CIMIP5: variants seen among roughly 807,000 people sequenced by gnomAD.
CIMIP5 encodes ciliary microtubule inner protein 5.
At chr2:11,139,220 C>T in the CIMIP5 span, among the ~76,000 whole-genome samples, 1 of 152,204 alleles carries the variant, frequency 6.6e-6, no homozygotes, top group Non-Finnish European at 1.5e-5. Context: ...ACCTGTCCTA[C>T]ACCTTCTTTA....
At chr2:11,150,792 A>G in the CIMIP5 span, among the ~76,000 whole-genome samples, 1 of 151,696 alleles carries the variant, frequency 6.6e-6, no homozygotes, top group African/African-American at 2.4e-5. Flanking sequence ...AAACAGCTAC[A>G]TGCCTCCCTC....
At chr2:11,143,353 C>A in the CIMIP5 span, among the ~76,000 whole-genome samples, 1 of 151,878 alleles carries the variant, frequency 6.6e-6, no homozygotes, top group Non-Finnish European at 1.5e-5. Flanking sequence ...AGTTCAAAAC[C>A]AGGCAAAGCT....
chr2:11,137,868 C>T, the CIMIP5 span, among the ~76,000 whole-genome samples: 5 of 152,238 alleles, frequency 3.3e-5, no homozygotes, highest in East Asian at 3.9e-4. Flanking sequence ...TATTTTGAGA[C>T]GGAGTCTTGC....
the CIMIP5 span, chr2:11,143,851 T>G: frequency 1.5e-6 from 2 of 1,324,930 alleles, no homozygotes; most frequent in Non-Finnish European, 2.0e-6. Context: ...CTCTCTGCTC[T>G]GTTTTCTCCC....
the CIMIP5 span, among the ~76,000 whole-genome samples, chr2:11,143,618 T>A: frequency 6.6e-6 from 1 of 151,912 alleles, no homozygotes; most frequent in Middle Eastern, 3.4e-3. Context: ...AAGTGGCATC[T>A]TAGTCCTGGG....
chr2:11,143,078 C>G, the CIMIP5 span, among the ~76,000 whole-genome samples: 1 of 152,088 alleles, frequency 6.6e-6, no homozygotes, highest in African/African-American at 2.4e-5. Context: ...TCACATATGG[C>G]CAAAACAGCA....
the CIMIP5 span, among the ~76,000 whole-genome samples, chr2:11,136,472 C>T: frequency 6.6e-6 from 1 of 152,188 alleles, no homozygotes; most frequent in Non-Finnish European, 1.5e-5. Flanking sequence ...ATGCTGAGTT[C>T]TGGTGAGTTT....
the CIMIP5 span, among the ~76,000 whole-genome samples, chr2:11,136,229 T>C: frequency 6.6e-6 from 1 of 152,236 alleles, no homozygotes; most frequent in South Asian, 2.1e-4. Context: ...AGCTTCTTCC[T>C]ATGTTTTTGA....
chr2:11,133,262 G>C, the CIMIP5 span: 36 of 1,491,092 alleles, frequency 2.4e-5, no homozygotes, highest in Non-Finnish European at 2.6e-5. Context: ...GAGGAGGTTT[G>C]AGCTGAGCTC....
At chr2:11,152,400 C>T in the CIMIP5 span, among the ~76,000 whole-genome samples, 2 of 152,262 alleles carry the variant, frequency 1.3e-5, no homozygotes, top group Non-Finnish European at 2.9e-5. Flanking sequence ...TCAGCCTATG[C>T]CCAGGAAGGA....
the CIMIP5 span, among the ~76,000 whole-genome samples, chr2:11,140,086 C>CAAAAAAAAAAAAAAAAAAAA: frequency 1.2e-5 from 1 of 84,798 alleles, no homozygotes; most frequent in African/African-American, 5.4e-5. Context: ...GACTCCCTCT[C>CAAAAAAAAAAAAAAAAAAAA]AAAAAAAAAA....
At chr2:11,144,374 G>A in the CIMIP5 span, 1 of 278,818 alleles carries the variant, frequency 3.6e-6, no homozygotes, top group Non-Finnish European at 6.7e-6. Context: ...CCCATGAAAG[G>A]GACCCTGCAT....
the CIMIP5 span, among the ~76,000 whole-genome samples, chr2:11,141,097 A>AC: frequency 9.9e-6 from 1 of 100,872 alleles, no homozygotes; most frequent in African/African-American, 3.9e-5. Context: ...CTCATTACCC[A>AC]CCCCACACAG....
the CIMIP5 span, among the ~76,000 whole-genome samples, chr2:11,154,392 G>T: frequency 6.6e-6 from 1 of 152,264 alleles, no homozygotes; most frequent in East Asian, 1.9e-4. Context: ...GGTGAGGCTG[G>T]AGAGAAAGAG....
At chr2:11,135,117 G>A in the CIMIP5 span, among the ~76,000 whole-genome samples, 66 of 152,026 alleles carry the variant, frequency 4.3e-4, no homozygotes, top group South Asian at 4.1e-4. Context: ...AGGATGGCAC[G>A]AAGCCATTCG....
the CIMIP5 span, chr2:11,144,046 A>G: frequency 6.2e-7 from 1 of 1,605,068 alleles, no homozygotes; most frequent in Non-Finnish European, 8.5e-7. Flanking sequence ...TCTCATCCGC[A>G]TGGACTTCTT....
chr2:11,145,691 G>A, the CIMIP5 span: 1 of 152,192 alleles, frequency 6.6e-6, no homozygotes, highest in African/African-American at 2.4e-5. Context: ...GACACTCCAG[G>A]TATTGGCTTG....
the CIMIP5 span, among the ~76,000 whole-genome samples, chr2:11,153,323 G>A: frequency 6.6e-6 from 1 of 152,176 alleles, no homozygotes; most frequent in South Asian, 2.1e-4. Context: ...CGTGGTCCTG[G>A]GGGCACTCAT....
chr2:11,144,004 G>A, the CIMIP5 span: 2 of 1,606,918 alleles, frequency 1.2e-6, no homozygotes, highest in Non-Finnish European at 1.7e-6. Context: ...CCAGGTTGTG[G>A]GCAGCAGGCT....
Sources: allele counts gnomAD v4.1 joint callset (sites outside exome capture counted in the v4.1 genomes callset), GRCh38; gene constraint gnomAD v4.1.1; transcripts MANE v1.5; gene names NCBI Gene and HGNC (gene_info 2026-07-23, HGNC 2026-07-21).